Variants in PLCL2 observed in about 807,000 individuals in gnomAD.
The protein encoded by PLCL2 is inactive phospholipase C-like protein 2.
Under a neutral mutation model 79.6 loss-of-function variants are expected in PLCL2, and 4 were observed. The ratio of observed to expected loss-of-function variants is 0.05; its 90% confidence interval spans 0.02 to 0.11. The LOEUF (loss-of-function observed/expected upper bound fraction) is 0.11, where lower values mean the gene tolerates loss of function less well. Among genes scored for constraint, PLCL2 ranks in the 10% least tolerant of loss-of-function variants. The pLI is 1.00. For missense variants in PLCL2, 895 were observed against 1,291.0 expected (o/e 0.69, Z 4.70); for synonymous variants, 484 against 457.7 (o/e 1.06, Z -0.73).
chr3:16,945,636 G>A (rs1211652942), intron 1 of PLCL2, among the ~76,000 whole-genome samples: 1 of 152,232 alleles, frequency 6.6e-6, no homozygotes, highest in East Asian at 1.9e-4. Context: ...CAAAGTCCTT[G>A]ATCAGAAACA....
At chr3:17,031,100 G>T (rs2064576347) in intron 3 of PLCL2, among the ~76,000 whole-genome samples, 1 of 152,164 alleles carries the variant, frequency 6.6e-6, no homozygotes, top group Admixed American at 6.5e-5. Flanking sequence ...CTTGCTCACT[G>T]AATAATTGGG....
Position 17,090,367 on chromosome 3 carries a change from C to A in PLCL2, c.*455C>A. 1 of 509,646 alleles carries A rather than the reference C, an allele frequency of 2.0e-6. No homozygotes were observed. Among genetic ancestry groups the A allele is most frequent in the South Asian group, 8.6e-5 (1 of 11,670 alleles). 31.6% of individuals were successfully genotyped at this position (509,646 alleles called of 1,614,324 possible). On this transcript the variant is annotated 3_prime_UTR_variant, in exon 6 of 6. Coordinates refer to ENST00000615277, the MANE Select transcript of PLCL2 (RefSeq NM_001144382.2). ...TGATTTTGGTGGCATGCTTGCTGAGCCATAATTACTAAAGAGAATGTAAGT... is the reference window on the plus strand; with the variant it reads ...TGATTTTGGTGGCATGCTTGCTGAGACATAATTACTAAAGAGAATGTAAGT...
chr3:16,979,776 T>C (rs1253714271), intron 1 of PLCL2, among the ~76,000 whole-genome samples: 40 of 148,786 alleles, frequency 2.7e-4, no homozygotes, highest in Admixed American at 2.1e-3. Flanking sequence ...TTTCTCAATC[T>C]TTTCCCCACC....
At chr3:17,021,243 G>A (rs61543853) in intron 3 of PLCL2, among the ~76,000 whole-genome samples, 4,325 of 152,218 alleles carry the variant, frequency 0.028, 223 homozygotes, top group African/African-American at 0.1. Flanking sequence ...CCCAAAGGCT[G>A]TTGTTTAATC....
chr3:17,002,173 G>A (rs1477282005), intron 1 of PLCL2, among the ~76,000 whole-genome samples: 1 of 151,998 alleles, frequency 6.6e-6, no homozygotes, highest in East Asian at 1.9e-4. Flanking sequence ...TTTCACTGTT[G>A]ACATACAGTA....
intron 1 of PLCL2, among the ~76,000 whole-genome samples, chr3:16,968,385 A>G (rs189599276): frequency 2.0e-5 from 3 of 152,124 alleles, no homozygotes; most frequent in Admixed American, 1.3e-4. Context: ...AATGATATTG[A>G]TTCTTCCTAT....
chr3:16,996,480 A>T (rs1201784785), intron 1 of PLCL2, among the ~76,000 whole-genome samples: 1 of 152,174 alleles, frequency 6.6e-6, no homozygotes, highest in Non-Finnish European at 1.5e-5. Context: ...TGTTGAATAC[A>T]TAGTAACTGT....
At chr3:16,927,413 A>G (rs1697282368) in intron 1 of PLCL2, among the ~76,000 whole-genome samples, 1 of 152,262 alleles carries the variant, frequency 6.6e-6, no homozygotes. Context: ...TGGTTAGCAA[A>G]CATTCTGATC....
chr3:17,015,973 G>A (rs1208006537), intron 3 of PLCL2, among the ~76,000 whole-genome samples: 1 of 152,184 alleles, frequency 6.6e-6, no homozygotes, highest in Admixed American at 6.5e-5. Context: ...CATAGGGGAA[G>A]GGTTTCATAG....
At chr3:16,902,099 G>A (rs1696632527) in intron 1 of PLCL2, among the ~76,000 whole-genome samples, 1 of 152,078 alleles carries the variant, frequency 6.6e-6, no homozygotes, top group South Asian at 2.1e-4. Context: ...CATGCCCCCA[G>A]CCATCTCACT....
rs1387622051 is a variant in PLCL2, at chr3:17,011,810, C to T, written c.2464C>T (p.Pro822Ser). The change falls in exon 2 of 6, where the codon CCT (proline) becomes TCT (serine). Residue 822 changes from proline (P) to serine (S), a missense_variant. Coordinates refer to ENST00000615277, the MANE Select transcript of PLCL2 (RefSeq NM_001144382.2). The surrounding 1 kb of genome is among the most constrained non-coding windows in gnomAD (Gnocchi z 7.9). ...DESFEFQINL[P>S]ELAMVRFVVL... ...AAGCTTTGAATTTCAAATCAACCTG[C>T]CTGAACTGGCCATGGTGCGCTTTGT... is the stretch of plus-strand genomic sequence containing the variant. 6.2e-7 allele frequency: 1 copy of T among 1,614,212 alleles called. No homozygotes were observed. Among genetic ancestry groups the T allele is most frequent in the Non-Finnish European group, 8.5e-7 (1 of 1,180,024 alleles).
chr3:17,046,351 A>G (rs754089741), intron 4 of PLCL2, among the ~76,000 whole-genome samples: 12 of 152,156 alleles, frequency 7.9e-5, no homozygotes, highest in African/African-American at 2.9e-4. Context: ...CCGCTTTCTA[A>G]TATCTATGTT....
chr3:16,991,685 G>A (rs1178385738), intron 1 of PLCL2, among the ~76,000 whole-genome samples: 2 of 151,970 alleles, frequency 1.3e-5, no homozygotes, highest in African/African-American at 4.8e-5. Context: ...ATTCCTGGTT[G>A]TATCTTATTT....
chr3:17,029,206 G>A lies in PLCL2; in HGVS notation c.3019-13668G>A, dbSNP rs147585510. 4.3e-3 allele frequency among the ~76,000 whole-genome samples: 650 copies of A among 152,024 alleles called. 2 individuals are homozygous for A. Among genetic ancestry groups the A allele is most frequent in the South Asian group, 0.011 (52 of 4,814 alleles). On this transcript the variant is annotated intron_variant, in intron 3 of 5. Coordinates refer to ENST00000615277, the MANE Select transcript of PLCL2 (RefSeq NM_001144382.2). ...GAGGGACCAGAGGCAGGAGAGACTG[G>A]TCCTGAGAAGGAAGATCTCAGCATC...
chr3:17,048,494 T>C lies in PLCL2; in HGVS notation c.3094+5545T>C, dbSNP rs184273325. 3.3e-3 allele frequency among the ~76,000 whole-genome samples: 504 copies of C among 152,298 alleles called. 2 individuals are homozygous for C. The highest frequency in any genetic ancestry group is 0.012 in the African/African-American group (484 of 41,560). On this transcript the variant is annotated intron_variant, in intron 4 of 5. Transcript: ENST00000615277. ...TTTACTGCCATAAAATATGCACAAA[T>C]CTGTTATAAAAGGTTAAAATTTATC...
Position 16,887,400 on chromosome 3 carries a change from T to C in PLCL2, c.327+2034T>C, listed in dbSNP as rs1575510296. Among the ~76,000 whole-genome samples, 1 of 152,340 alleles carries C rather than the reference T, an allele frequency of 6.6e-6. No homozygotes were observed. Among genetic ancestry groups the C allele is most frequent in the South Asian group, 2.1e-4 (1 of 4,828 alleles). On this transcript the variant is annotated intron_variant, in intron 1 of 5. Coordinates refer to ENST00000615277, the MANE Select transcript of PLCL2 (RefSeq NM_001144382.2). The surrounding 1 kb of genome is among the most constrained non-coding windows in gnomAD (Gnocchi z 4.1). ...GAGTTCTGTTAATTTATAAAACAAT[T>C]GGTTTTGGATTTACCAGTCCCATAT...
chr3:16,893,603 A>G (rs932931992), intron 1 of PLCL2, among the ~76,000 whole-genome samples: 1 of 152,236 alleles, frequency 6.6e-6, no homozygotes, highest in African/African-American at 2.4e-5. Context: ...ACACAAGGCC[A>G]TACTGATTAG....
At chr3:16,924,641 C>T (rs965788111) in intron 1 of PLCL2, among the ~76,000 whole-genome samples, 1 of 152,170 alleles carries the variant, frequency 6.6e-6, no homozygotes, top group East Asian at 1.9e-4. Context: ...CTATATCCTA[C>T]AGTCACTCTC....
chr3:16,939,506 G>T (rs936123968), intron 1 of PLCL2, among the ~76,000 whole-genome samples: 6 of 152,300 alleles, frequency 3.9e-5, no homozygotes, highest in Non-Finnish European at 8.8e-5. Flanking sequence ...AGTTATTTGT[G>T]AATGTTGTGC....
Sources: gnomAD v4.1 joint callset for allele counts (sites outside exome capture counted in the v4.1 genomes callset) on GRCh38, gnomAD v4.1.1 for gene constraint, Gnocchi (gnomAD v3.1) non-coding constraint, MANE v1.5 for transcripts, NCBI Gene and HGNC (gene_info 2026-07-23, HGNC 2026-07-21) for gene names.